The following GRAMD1C variants were observed in gnomAD, a reference collection of about 807,000 sequenced individuals.
GRAMD1C encodes protein Aster-C.
GRAMD1C carries 89 observed loss-of-function variants against 97.8 expected under a neutral mutation model. The ratio of observed to expected loss-of-function variants is 0.91; its 90% CI spans 0.77 to 1.09. The LOEUF is 1.09. GRAMD1C is among the 50% of genes least tolerant of loss of function. GRAMD1C has a pLI of 0.00. For missense variants in GRAMD1C, 740 were observed against 766.4 expected (o/e 0.97, Z 0.41); for synonymous variants, 256 against 267.0 (o/e 0.96, Z 0.40).
intron 2 of GRAMD1C, chr3:113,844,859 TCTG>T (rs1050809707): frequency 2.4e-6 from 1 of 423,156 alleles, no homozygotes; most frequent in Admixed American, 4.5e-5. Context: ...ATGGAATTAA[TCTG>T]CTTCAGTTTC....
In GRAMD1C at chr3:113,885,626, G is replaced by A. The variant is rs911284038; in HGVS notation, c.540+2794G>A. On this transcript the variant is annotated intron_variant, in intron 6 of 17. Transcript: ENST00000358160. ...ATTCTGTCCGGTTTTTTGTACGTAA[G>A]AGGCCCCATGTGGATTTCTTCCTGG... is the stretch of plus-strand genomic sequence containing the variant. 25 of 1,503,422 alleles carry A rather than the reference G, an allele frequency of 1.7e-5. No homozygotes were observed. In the African/African-American group the frequency reaches 2.7e-4, roughly 17 times the overall value. 93.1% of individuals were successfully genotyped at this position (1,503,422 alleles called of 1,614,324 possible).
chr3:113,929,638 C>T (rs983730550), intron 10 of GRAMD1C, among the ~76,000 whole-genome samples: 1 of 152,130 alleles, frequency 6.6e-6, no homozygotes, highest in African/African-American at 2.4e-5. Context: ...TGTATATCTT[C>T]TTTTATATAT....
In GRAMD1C at chr3:113,945,508, C is replaced by T. The variant is rs377307977; in HGVS notation, c.*30C>T. ...CTGAAGGACTAAAACCGCAGAGATA[C>T]TTGGAACTTAAAGAAAATACCTGGA... is the stretch of plus-strand genomic sequence containing the variant. On this transcript the variant is annotated 3_prime_UTR_variant, in exon 18 of 18. Coordinates refer to ENST00000358160, the MANE Select transcript of GRAMD1C (RefSeq NM_017577.5). 1 of 1,170,452 alleles carries T rather than the reference C, an allele frequency of 8.5e-7. No homozygotes were observed. Among genetic ancestry groups the T allele is most frequent in the East Asian group, 2.4e-5 (1 of 42,422 alleles). The allele number at this position is 1,170,452 out of a possible 1,614,324, so 72.5% of individuals were successfully genotyped here.
chr3:113,932,814 T>A, intron 11 of GRAMD1C, among the ~76,000 whole-genome samples: 1 of 151,922 alleles, frequency 6.6e-6, no homozygotes, highest in African/African-American at 2.4e-5. Context: ...CAAATGATCT[T>A]CCCACCTCAT....
chr3:113,945,398 CT>C lies in GRAMD1C; in HGVS notation c.1910del (p.Leu637ArgfsTer15), dbSNP rs1381785262. 1 of 1,556,026 alleles carries C rather than the reference CT, an allele frequency of 6.4e-7. No individual in the cohort carries two copies. The highest frequency in any genetic ancestry group is 1.7e-5 in the Admixed American group (1 of 57,926). On this transcript the variant is annotated frameshift_variant and splice_region_variant, in exon 18 of 18. Coordinates refer to ENST00000358160, the MANE Select transcript of GRAMD1C (RefSeq NM_017577.5). LOFTEE classifies it high-confidence loss of function. Reference sequence around the variant, plus strand: ...TTTTGAAAATTAACTTTGTTTACAGCTGAAGAGCTCACTCATTATGCTTCAG... The same window carrying C: ...TTTTGAAAATTAACTTTGTTTACAGCGAAGAGCTCACTCATTATGCTTCAG... ...LRDSIVMLEQ[L>X]KSSLIMLQKT...
At chr3:113,885,630 C>T in intron 6 of GRAMD1C, 2 of 1,496,920 alleles carry the variant, frequency 1.3e-6, no homozygotes, top group Non-Finnish European at 1.9e-6. Context: ...ACGTAAGAGG[C>T]CCCATGTGGA....
At chr3:113,836,880 G>T (rs1160925875), upstream of GRAMD1C, among the ~76,000 whole-genome samples, 1 of 152,094 alleles carries the variant, frequency 6.6e-6, no homozygotes, top group African/African-American at 2.4e-5. Flanking sequence ...CTGACCTCAG[G>T]TGATCCTCCC....
intron 8 of GRAMD1C, among the ~76,000 whole-genome samples, chr3:113,905,149 T>C (rs1443787628): frequency 6.6e-6 from 1 of 152,220 alleles, no homozygotes. Context: ...TTCAGTTTTT[T>C]ATTCCAGTGT....
At chr3:113,913,302 G>T (rs72954636) in intron 9 of GRAMD1C, 62,531 of 334,000 alleles carry the variant, frequency 0.19, 6,579 homozygotes, top group Non-Finnish European at 0.22. Flanking sequence ...AGCCAGGTGG[G>T]TCAACTGAGG....
At chr3:113,855,877 A>G (rs1934105323) in intron 2 of GRAMD1C, among the ~76,000 whole-genome samples, 1 of 151,902 alleles carries the variant, frequency 6.6e-6, no homozygotes, top group African/African-American at 2.4e-5. Context: ...CCCCTCTTAT[A>G]TAGAATTAAC....
At chr3:113,843,514 C>T (rs150751034) in intron 1 of GRAMD1C, among the ~76,000 whole-genome samples, 204 of 152,234 alleles carry the variant, frequency 1.3e-3, no homozygotes, top group African/African-American at 4.7e-3. Flanking sequence ...GAGTCTGGCT[C>T]TGTCACCCAG....
chr3:113,884,655 T>C (rs1577162026), intron 6 of GRAMD1C, among the ~76,000 whole-genome samples: 1 of 152,108 alleles, frequency 6.6e-6, no homozygotes. Context: ...ACATGTGTTA[T>C]GGTGAAACCT....
intron 1 of GRAMD1C, 132 bp downstream of exon 1, chr3:113,839,068 A>G (rs1232368813): frequency 3.4e-6 from 2 of 586,280 alleles, no homozygotes; most frequent in Non-Finnish European, 5.0e-6. Context: ...CTTTGGAGTA[A>G]TACGGAAAGT....
At chr3:113,879,067 T>C (rs941042803) in intron 5 of GRAMD1C, among the ~76,000 whole-genome samples, 1 of 151,970 alleles carries the variant, frequency 6.6e-6, no homozygotes, top group Admixed American at 6.6e-5. Context: ...TAGCTGGGCA[T>C]GGTGGTGCAC....
chr3:113,910,818 G>A (rs1009318280), intron 9 of GRAMD1C, among the ~76,000 whole-genome samples: 4 of 152,118 alleles, frequency 2.6e-5, no homozygotes, highest in Non-Finnish European at 5.9e-5. Context: ...CTGGAGGGAC[G>A]ATCCCCCCTG....
At chr3:113,929,288 C>T (rs1294365532) in intron 10 of GRAMD1C, among the ~76,000 whole-genome samples, 2 of 152,156 alleles carry the variant, frequency 1.3e-5, no homozygotes, top group Non-Finnish European at 2.9e-5. Flanking sequence ...TCCTACAATT[C>T]ATTCCAGGTT....
intron 12 of GRAMD1C, 65 bp from the exon 13 acceptor site, chr3:113,934,367 C>G: frequency 1.3e-6 from 1 of 757,564 alleles, no homozygotes; most frequent in East Asian, 2.7e-5. Flanking sequence ...TTACATTTAA[C>G]TGTAACATGA....
At chr3:113,865,741 T>C (rs2107361827) in intron 2 of GRAMD1C, among the ~76,000 whole-genome samples, 1 of 152,324 alleles carries the variant, frequency 6.6e-6, no homozygotes, top group Admixed American at 6.5e-5. Context: ...ATCAGTCTCT[T>C]ATCCTTTCTT....
intron 17 of GRAMD1C, among the ~76,000 whole-genome samples, chr3:113,941,624 T>TC (rs1937783215): frequency 6.6e-6 from 1 of 151,218 alleles, no homozygotes; most frequent in South Asian, 2.1e-4. Flanking sequence ...GTTGCAATTT[T>TC]TTTTTTTTTT....
Sources: gnomAD v4.1 joint callset for allele counts (sites outside exome capture counted in the v4.1 genomes callset) on GRCh38, gnomAD v4.1.1 for gene constraint, MANE v1.5 for transcripts, NCBI Gene and HGNC (gene_info 2026-07-23, HGNC 2026-07-21) for gene names.